The following FAM13A variants were observed in gnomAD, a reference collection of about 807,000 sequenced individuals.
FAM13A encodes the protein family with sequence similarity 13 member A.
Under a neutral mutation model 129.6 loss-of-function variants are expected in FAM13A, and 76 were observed. The ratio of observed to expected loss-of-function variants is 0.59; its 90% CI spans 0.49 to 0.71. The LOEUF (loss-of-function observed/expected upper bound fraction) is 0.71. Among genes scored for constraint, FAM13A ranks in the 30% least tolerant of loss-of-function variants. The probability of loss-of-function intolerance (pLI) is 0.00; values close to 1 mark genes in which losing one functional copy is unlikely to be tolerated. For missense variants in FAM13A, 1,108 were observed against 1,249.3 expected, an observed-to-expected ratio of 0.89 and a Z score of 1.70; for synonymous variants, 443 against 449.9, an observed-to-expected ratio of 0.98 and a Z score of 0.20.
At chr4:88,749,330 G>A (rs1742052328) in intron 16 of FAM13A, among the ~76,000 whole-genome samples, 2 of 152,166 alleles carry the variant, frequency 1.3e-5, no homozygotes, top group African/African-American at 2.4e-5. Context: ...CCTGTAAGAC[G>A]AACAGTGTAG....
At chr4:88,837,205 G>C (rs1578886404) in intron 7 of FAM13A, among the ~76,000 whole-genome samples, 2 of 151,066 alleles carry the variant, frequency 1.3e-5, no homozygotes, top group Middle Eastern at 6.8e-3. Context: ...ATGTTGGTCA[G>C]GCTGGTCTTG....
intron 2 of FAM13A, among the ~76,000 whole-genome samples, chr4:89,021,965 C>CACT (rs1767324258): frequency 1.3e-5 from 2 of 151,998 alleles, no homozygotes; most frequent in African/African-American, 4.8e-5. Context: ...GCTTAGTGTG[C>CACT]TACACACCAT....
intron 5 of FAM13A, among the ~76,000 whole-genome samples, chr4:88,912,856 C>T (rs1579242834): frequency 6.6e-6 from 1 of 152,204 alleles, no homozygotes; most frequent in South Asian, 2.1e-4. Flanking sequence ...TGGCACATTC[C>T]TGTGGTCCTA....
intron 6 of FAM13A, among the ~76,000 whole-genome samples, chr4:88,884,607 C>T (rs1271521804): frequency 6.6e-6 from 1 of 152,116 alleles, no homozygotes; most frequent in Non-Finnish European, 1.5e-5. Context: ...GGATCCCACT[C>T]TCTTCACTTC....
At position 88,728,736 on chromosome 4, in the gene FAM13A, C is replaced by T. The variant is rs1736907863; in HGVS notation, c.2946-77G>A. The T allele has an allele frequency of 3.2e-6, 5 of 1,546,816 alleles. 1 individual carries two copies. In the South Asian group the frequency reaches 4.6e-5, roughly 14 times the overall value. On this transcript the variant is annotated intron_variant, in intron 23 of 23. Transcript: ENST00000264344. Reference sequence around the variant, plus strand: ...AGATACTATTCATCGGGCAAATTATCATTGTTTAGAAACTTTGCAGTTTAT... The same window carrying T: ...AGATACTATTCATCGGGCAAATTATTATTGTTTAGAAACTTTGCAGTTTAT...
chr4:88,937,567 T>C (rs540240288), intron 5 of FAM13A: 1 of 153,348 alleles, frequency 6.5e-6, no homozygotes, highest in African/African-American at 2.4e-5. Context: ...TTAGATAGTA[T>C]TGTCAAGGAC....
At chr4:88,895,318 T>C (rs1746097323) in intron 6 of FAM13A, among the ~76,000 whole-genome samples, 1 of 152,154 alleles carries the variant, frequency 6.6e-6, no homozygotes, top group Non-Finnish European at 1.5e-5. Flanking sequence ...ATAAAATGTA[T>C]GCATGCCCAT....
At chr4:88,929,776 C>G (rs1752759924) in intron 5 of FAM13A, among the ~76,000 whole-genome samples, 1 of 152,094 alleles carries the variant, frequency 6.6e-6, no homozygotes, top group African/African-American at 2.4e-5. Context: ...CTCTCTCTGT[C>G]ACTCAGGCTG....
intron 11 of FAM13A, among the ~76,000 whole-genome samples, chr4:88,777,085 A>C (rs1721883057): frequency 6.6e-6 from 1 of 152,020 alleles, no homozygotes; most frequent in African/African-American, 2.4e-5. Context: ...TTTTGACTCA[A>C]AGTATTAAAC....
chr4:89,032,202 G>A (rs1398122775), intron 1 of FAM13A, among the ~76,000 whole-genome samples: 10 of 151,552 alleles, frequency 6.6e-5, no homozygotes, highest in Admixed American at 1.3e-4. Flanking sequence ...CCGAGATCAC[G>A]CCACTGCACT....
intron 10 of FAM13A, among the ~76,000 whole-genome samples, chr4:88,785,357 A>G (rs1723756108): frequency 1.3e-5 from 2 of 152,180 alleles, no homozygotes; most frequent in Non-Finnish European, 2.9e-5. Context: ...GTATAGAAGC[A>G]TATACTATGA....
chr4:88,944,097 C>T (rs1755229991), intron 4 of FAM13A, among the ~76,000 whole-genome samples: 1 of 152,088 alleles, frequency 6.6e-6, no homozygotes. Flanking sequence ...GGCATGGTGG[C>T]TCACATGTGC....
chr4:88,799,882 C>A (rs542649457), intron 8 of FAM13A, among the ~76,000 whole-genome samples: 418 of 152,260 alleles, frequency 2.7e-3, no homozygotes, highest in Non-Finnish European at 4.8e-3. Flanking sequence ...ATTCACAATG[C>A]CCAAAAGATG....
chr4:89,056,799 G>C (rs541221049), intron 1 of FAM13A, 139 bp downstream of exon 1: 2 of 795,084 alleles, frequency 2.5e-6, no homozygotes, highest in South Asian at 1.8e-5. Context: ...AAGTAGATAG[G>C]AATTTAAGTA....
At chr4:88,862,859 T>G (rs900838185) in intron 6 of FAM13A, among the ~76,000 whole-genome samples, 3 of 151,950 alleles carry the variant, frequency 2.0e-5, no homozygotes, top group African/African-American at 7.3e-5. Flanking sequence ...TAGTTACCAG[T>G]CTTTATCATT....
intron 4 of FAM13A, among the ~76,000 whole-genome samples, chr4:88,947,021 C>G (rs922423923): frequency 6.6e-6 from 1 of 151,810 alleles, no homozygotes; most frequent in African/African-American, 2.4e-5. Flanking sequence ...TTGGCCTGAC[C>G]AAAAGGGGAA....
At chr4:88,874,208 C>T (rs1741965313) in intron 6 of FAM13A, among the ~76,000 whole-genome samples, 1 of 152,164 alleles carries the variant, frequency 6.6e-6, no homozygotes, top group Admixed American at 6.5e-5. Flanking sequence ...AATCTGGAAG[C>T]ATTCCCTTTG....
chr4:88,968,735 G>A (rs548181883), intron 4 of FAM13A, among the ~76,000 whole-genome samples: 1 of 151,798 alleles, frequency 6.6e-6, no homozygotes, highest in African/African-American at 2.4e-5. Flanking sequence ...CAGCAAAATA[G>A]GTATTTAAAC....
At chr4:88,750,705 A>T in intron 14 of FAM13A, 68 bp from the exon 15 acceptor site, 1 of 1,188,206 alleles carries the variant, frequency 8.4e-7, no homozygotes, top group Non-Finnish European at 1.2e-6. Flanking sequence ...TTAAAACACA[A>T]GTGTTTCCCA....
Sources: gnomAD v4.1 joint callset for allele counts (sites outside exome capture counted in the v4.1 genomes callset) on GRCh38, gnomAD v4.1.1 for gene constraint, MANE v1.5 for transcripts, NCBI Gene and HGNC (gene_info 2026-07-23, HGNC 2026-07-21) for gene names.